Variants in PLEKHD1 observed in about 807,000 individuals in gnomAD.
PLEKHD1 encodes pleckstrin homology and coiled-coil domain containing D1.
In PLEKHD1, 51 loss-of-function variants were observed where a neutral mutation model predicts 69.2. The ratio of observed to expected loss-of-function variants is 0.74; its 90% CI spans 0.59 to 0.93. The LOEUF is 0.93. Among genes scored for constraint, PLEKHD1 ranks in the 40% least tolerant of loss-of-function variants. The pLI, the probability that PLEKHD1 is intolerant of heterozygous loss-of-function variation, is 0.00. For missense variants in PLEKHD1, 584 were observed against 641.0 expected (o/e 0.91, Z 0.96); for synonymous variants, 236 against 244.7 (o/e 0.96, Z 0.33).
rs1243519261 is a variant in PLEKHD1 at position 69,525,958 on chromosome 14, GA to G, written c.761del (p.Lys254ArgfsTer46). On this transcript the variant is annotated frameshift_variant, in exon 9 of 13. Transcript: ENST00000322564. LOFTEE classifies it high-confidence loss of function. Reference protein sequence around the residue: ...QQTLEELSIEKKKTLEMLEEN... With the variant: ...QQTLEELSIEXKKTLEMLEEN... ...CTCCATGCCAGGAACTCTCCATAGA[GA>G]AGAAGAAAACCCTGGAAATGCTGGA... 1 of 1,551,292 alleles carries G rather than the reference GA, an allele frequency of 6.4e-7. No individual in the cohort carries two copies.
intron 3 of PLEKHD1, 51 bp from the exon 4 acceptor site, chr14:69,500,820 C>A (rs907914050): frequency 1.5e-5 from 23 of 1,546,370 alleles, no homozygotes; most frequent in South Asian, 1.3e-4. Flanking sequence ...GCCTCCATCA[C>A]CCTCAGCGTG....
chr14:69,520,234 G>GGGATGC (rs2139526022), intron 6 of PLEKHD1, among the ~76,000 whole-genome samples: 1 of 149,086 alleles, frequency 6.7e-6, no homozygotes, highest in East Asian at 2.0e-4. Flanking sequence ...TGTAAGCCCA[G>GGGATGC]GGATGCTTAC....
At chr14:69,500,738 C>T (rs1883005530) in intron 3 of PLEKHD1, 72 bp downstream of exon 3, 1 of 1,517,098 alleles carries the variant, frequency 6.6e-7, no homozygotes, top group Non-Finnish European at 8.9e-7. Flanking sequence ...TCAGGACACA[C>T]ATCCCATGTC....
At chr14:69,480,018 G>A (rs1215976807), upstream of PLEKHD1, among the ~76,000 whole-genome samples, 1 of 152,170 alleles carries the variant, frequency 6.6e-6, no homozygotes, top group African/African-American at 2.4e-5. Context: ...CCCACCACAT[G>A]CCCTGGACTA....
intron 2 of PLEKHD1, 38 bp from the exon 3 acceptor site, chr14:69,500,539 G>T (rs1171475878): frequency 6.7e-7 from 1 of 1,497,916 alleles, no homozygotes; most frequent in South Asian, 1.3e-5. Flanking sequence ...GACCCCAGTT[G>T]GGTGGGGTGG....
At chr14:69,492,920 C>T (rs923463057) in intron 1 of PLEKHD1, among the ~76,000 whole-genome samples, 2 of 152,126 alleles carry the variant, frequency 1.3e-5, no homozygotes, top group African/African-American at 2.4e-5. Flanking sequence ...CAGGCACGAG[C>T]TACCATACCC....
chr14:69,513,244 T>A lies in PLEKHD1; in HGVS notation c.556-9039T>A, dbSNP rs865795652. Among the ~76,000 whole-genome samples the A allele has an allele frequency of 8.7e-5, 13 of 150,004 alleles. No homozygotes were observed. The South Asian group carries it at 2.7e-3, about 32-fold the overall frequency. ...AAAAATAAAATAAAATAAAATAAAATAATAAAATAAAATAAAATAAAATAA... is the reference window on the plus strand; with the variant it reads ...AAAAATAAAATAAAATAAAATAAAAAAATAAAATAAAATAAAATAAAATAA... On this transcript the variant is annotated intron_variant, in intron 6 of 12. Coordinates refer to ENST00000322564, the MANE Select transcript of PLEKHD1 (RefSeq NM_001161498.2).
upstream of PLEKHD1, among the ~76,000 whole-genome samples, chr14:69,479,711 C>T (rs1566933608): frequency 1.3e-5 from 2 of 152,088 alleles, no homozygotes; most frequent in African/African-American, 4.8e-5. Flanking sequence ...GGAGTTCCTT[C>T]AGAACACGAA....
chr14:69,525,851 T>G, intron 8 of PLEKHD1, 93 bp from the exon 9 acceptor site: 1 of 1,211,414 alleles, frequency 8.3e-7, no homozygotes, highest in East Asian at 2.6e-5. Context: ...GAGAGAGGAG[T>G]GGGTCACTCC....
In PLEKHD1 at chr14:69,526,742, T is replaced by A. The variant is rs1883657865; in HGVS notation, c.969T>A (p.Arg323=). The A allele has an allele frequency of 6.5e-7, 1 of 1,548,468 alleles. No individual in the cohort carries two copies. The highest frequency in any genetic ancestry group is 2.5e-5 in the East Asian group (1 of 40,776). The change falls in exon 10 of 13, where the codon CGT becomes CGA. Residue 323 remains arginine, a synonymous_variant. Coordinates refer to ENST00000322564, the MANE Select transcript of PLEKHD1 (RefSeq NM_001161498.2). ...EERSRALEEE[R]EFYSSQSQAL... is the part of the protein sequence containing the mutation. ...GCTCACGGGCCCTGGAGGAGGAGCG[T>A]GAGTTCTACTCCAGCCAGTCCCAGG... is the stretch of plus-strand genomic sequence containing the variant.
intron 1 of PLEKHD1, among the ~76,000 whole-genome samples, chr14:69,499,139 G>A (rs1230260083): frequency 6.6e-6 from 1 of 151,922 alleles, no homozygotes; most frequent in African/African-American, 2.4e-5. Context: ...TGCAGAGCAG[G>A]GAAGAGATTG....
intron 6 of PLEKHD1, among the ~76,000 whole-genome samples, chr14:69,511,229 GCTAA>G (rs1324880912): frequency 3.3e-5 from 5 of 152,134 alleles, no homozygotes; most frequent in Non-Finnish European, 5.9e-5. Context: ...TGTGATCTTG[GCTAA>G]CTGTTACCTC....
intron 6 of PLEKHD1, among the ~76,000 whole-genome samples, chr14:69,522,003 C>T (rs2139528008): frequency 6.6e-6 from 1 of 152,258 alleles, no homozygotes; most frequent in East Asian, 1.9e-4. Flanking sequence ...TTATAGTTTC[C>T]TCCAGCCACA....
the PLEKHD1 span, among the ~76,000 whole-genome samples, chr14:69,473,783 C>T: frequency 6.6e-6 from 1 of 152,066 alleles, no homozygotes; most frequent in African/African-American, 2.4e-5. Context: ...TTGGGGTCTT[C>T]GAGGAAGCTA....
the PLEKHD1 span, among the ~76,000 whole-genome samples, chr14:69,474,627 G>A: frequency 6.6e-6 from 1 of 152,082 alleles, no homozygotes; most frequent in Non-Finnish European, 1.5e-5. Flanking sequence ...AAGCTGTTTG[G>A]GAGTTCTGGT....
intron 1 of PLEKHD1, 39 bp downstream of exon 1, chr14:69,485,153 G>A: frequency 6.5e-7 from 1 of 1,535,814 alleles, no homozygotes; most frequent in South Asian, 1.2e-5. Flanking sequence ...CCGCCGGGGA[G>A]AGAGCCTGGG....
chr14:69,491,840 A>C (rs1180957846), intron 1 of PLEKHD1, among the ~76,000 whole-genome samples: 2 of 152,052 alleles, frequency 1.3e-5, no homozygotes, highest in Non-Finnish European at 2.9e-5. Flanking sequence ...CACCTGTGCC[A>C]CTCTGTGACC....
At chr14:69,501,117 G>C in intron 4 of PLEKHD1, 170 bp downstream of exon 4, 1 of 672,942 alleles carries the variant, frequency 1.5e-6, no homozygotes, top group Non-Finnish European at 2.6e-6. Context: ...GCATCTGTGA[G>C]GGGTCCCCTG....
intron 6 of PLEKHD1, chr14:69,503,599 G>A (rs1002567324): frequency 1.3e-5 from 2 of 150,694 alleles, no homozygotes; most frequent in Non-Finnish European, 2.9e-5. Context: ...GCTGAGGCAG[G>A]AGAATGGCGT....
Sources: allele counts gnomAD v4.1 joint callset (sites outside exome capture counted in the v4.1 genomes callset), GRCh38; gene constraint gnomAD v4.1.1; transcripts MANE v1.5; gene names NCBI Gene and HGNC (gene_info 2026-07-23, HGNC 2026-07-21).